RNF144B: variants seen among roughly 807,000 people sequenced by gnomAD.
RNF144B encodes E3 ubiquitin-protein ligase RNF144B.
Under a neutral mutation model 40.2 loss-of-function variants are expected in RNF144B, and 25 were observed. The ratio of observed to expected loss-of-function variants is 0.62; its 90% CI spans 0.45 to 0.87. RNF144B has a LOEUF of 0.87. Among genes scored for constraint, RNF144B ranks in the 40% least tolerant of loss-of-function variants. The pLI is 0.00. For synonymous variants in RNF144B, 145 were observed against 136.3 expected, an observed-to-expected ratio of 1.06 and a Z score of -0.44; for missense variants, 365 against 373.7, an observed-to-expected ratio of 0.98 and a Z score of 0.19.
rs138832854 is a variant in RNF144B, at chr6:18,395,566, T to C, written c.-36-3933T>C. Among the ~76,000 whole-genome samples the C allele has an allele frequency of 4.9e-3, 711 of 143,746 alleles. 5 individuals carry two copies. Among genetic ancestry groups the C allele is most frequent in the African/African-American group, 0.017 (679 of 39,250 alleles). The allele number at this position is 143,746 out of a possible 152,430, so 94.3% of individuals were successfully genotyped here. A position where few individuals can be genotyped will look rare whatever the true frequency, so the allele number is the denominator to read the frequency against. The stretch of plus-strand genomic sequence containing the variant: ...AATGAATCAATGGTGAAAGGATTTC[T>C]TGTTTGATATTCTTTTTTTTTTTTA... On this transcript the variant is annotated intron_variant, in intron 1 of 7. Transcript: ENST00000259939. The surrounding 1 kb of genome is among the most constrained non-coding windows in gnomAD (Gnocchi z 4.5).
At position 18,398,406 on chromosome 6, in the gene RNF144B, CT is replaced by C. The variant is rs1027368101; in HGVS notation, c.-36-1092del. ...TTTTTATTTTTTGAGACGTTTCATT[CT>C]GTCACCCAGGCTGGAGTGTGGTGAC... On this transcript the variant is annotated intron_variant, in intron 1 of 7. Transcript: ENST00000259939. The surrounding 1 kb of genome is among the most constrained non-coding windows in gnomAD (Gnocchi z 5.0). 1.3e-5 allele frequency among the ~76,000 whole-genome samples: 2 copies of C among 152,096 alleles called. No homozygotes were observed. Among genetic ancestry groups the C allele is most frequent in the African/African-American group, 4.8e-5 (2 of 41,398 alleles).
At chr6:18,431,863 T>G (rs1758702490) in intron 3 of RNF144B, among the ~76,000 whole-genome samples, 2 of 152,212 alleles carry the variant, frequency 1.3e-5, no homozygotes, top group African/African-American at 4.8e-5. Flanking sequence ...GCCTTCTTGA[T>G]TTTTCCAAAT....
At chr6:18,462,077 C>T (rs755899907) in intron 6 of RNF144B, among the ~76,000 whole-genome samples, 2 of 152,302 alleles carry the variant, frequency 1.3e-5, no homozygotes, top group Admixed American at 6.5e-5. Flanking sequence ...TCCATGCATT[C>T]GGCTGTGTCA....
rs1168499547 is a variant in RNF144B, at chr6:18,450,228, G to A, written c.332-6927G>A. ...TTACTTCCAATTCATTACTTTCATG[G>A]CCTGTGTTTAATGAGGTGTTGGTAA... On this transcript the variant is annotated intron_variant, in intron 4 of 7. Transcript: ENST00000259939. The surrounding 1 kb of genome is among the most constrained non-coding windows in gnomAD (Gnocchi z 4.7). Among the ~76,000 whole-genome samples, 1 of 151,796 alleles carries A rather than the reference G, an allele frequency of 6.6e-6. No individual in the cohort carries two copies. The highest frequency in any genetic ancestry group is 1.5e-5 in the Non-Finnish European group (1 of 67,994).
Position 18,441,476 on chromosome 6 carries a change from C to T in RNF144B, c.331+1732C>T, listed in dbSNP as rs2113517437. ...AGCACTTCTCCTCTCCCATGACTGCCTGTTACTTCCCTGGCTAACTTCACT... is the reference window on the plus strand; with the variant it reads ...AGCACTTCTCCTCTCCCATGACTGCTTGTTACTTCCCTGGCTAACTTCACT... On this transcript the variant is annotated intron_variant, in intron 4 of 7. Coordinates refer to ENST00000259939, the MANE Select transcript of RNF144B (RefSeq NM_182757.4). This position sits in a 1 kb window ranked among gnomAD's most constrained non-coding sequence, Gnocchi z 4.9. Among the ~76,000 whole-genome samples, 1 of 152,316 alleles carries T rather than the reference C, an allele frequency of 6.6e-6. No individual in the cohort carries two copies. Among genetic ancestry groups the T allele is most frequent in the African/African-American group, 2.4e-5 (1 of 41,578 alleles).
At position 18,439,675 on chromosome 6, in the gene RNF144B, T is replaced by C; in HGVS notation, c.271-9T>C. The C allele has an allele frequency of 6.2e-7, 1 of 1,608,162 alleles. No individual in the cohort carries two copies. Among genetic ancestry groups the C allele is most frequent in the Non-Finnish European group, 8.5e-7 (1 of 1,174,670 alleles). ...CTGAAGTCTCAACCTTTTATGTCTC[T>C]GGTTTCAGATTGCCTGTTTGGTACC... On this transcript the variant is annotated splice_polypyrimidine_tract_variant and intron_variant, in intron 3 of 7. Transcript: ENST00000259939.
intron 3 of RNF144B, among the ~76,000 whole-genome samples, chr6:18,435,763 A>G (rs1758803114): frequency 6.6e-6 from 1 of 152,004 alleles, no homozygotes; most frequent in South Asian, 2.1e-4. Context: ...TCAGCAAACT[A>G]TCGCAAGGAC....
rs1794946541 is a variant in RNF144B at position 18,407,963 on chromosome 6, T to C, written c.165+8264T>C. On this transcript the variant is annotated intron_variant, in intron 2 of 7. Transcript: ENST00000259939. ...AAATGGTGGCTTGGTTTGGAATTTTTCTTTTTCTTTCTTTCTTTTTCTTTT... is the reference window on the plus strand; with the variant it reads ...AAATGGTGGCTTGGTTTGGAATTTTCCTTTTTCTTTCTTTCTTTTTCTTTT... 3.8e-5 allele frequency among the ~76,000 whole-genome samples: 3 copies of C among 79,376 alleles called. No homozygotes were observed. The South Asian group carries it at 1.2e-3, about 31-fold the overall frequency. The allele number at this position is 79,376 out of a possible 152,430, so 52.1% of individuals were successfully genotyped here.
intron 3 of RNF144B, among the ~76,000 whole-genome samples, chr6:18,439,235 C>T (rs1267963798): frequency 1.3e-5 from 2 of 152,106 alleles, no homozygotes; most frequent in African/African-American, 4.8e-5. Flanking sequence ...TCCTAGGTGA[C>T]AAATGACATT....
intron 7 of RNF144B, among the ~76,000 whole-genome samples, chr6:18,463,902 G>A (rs529557703): frequency 1.3e-5 from 2 of 152,244 alleles, no homozygotes; most frequent in South Asian, 4.1e-4. Context: ...TTGTGCAGGG[G>A]AACTCCCATT....
At chr6:18,417,532 G>T (rs890619363) in intron 2 of RNF144B, among the ~76,000 whole-genome samples, 1 of 152,086 alleles carries the variant, frequency 6.6e-6, no homozygotes, top group African/African-American at 2.4e-5. Flanking sequence ...GTTTGCAAAA[G>T]AATTAAGATG....
At chr6:18,424,612 C>T (rs1758507101) in intron 2 of RNF144B, among the ~76,000 whole-genome samples, 1 of 151,948 alleles carries the variant, frequency 6.6e-6, no homozygotes, top group South Asian at 2.1e-4. Flanking sequence ...TACCTAGGAA[C>T]ATTACATTAT....
intron 2 of RNF144B, among the ~76,000 whole-genome samples, chr6:18,403,812 G>A (rs1044669666): frequency 6.6e-6 from 1 of 152,184 alleles, no homozygotes; most frequent in African/African-American, 2.4e-5. Context: ...TTCTGGTGAA[G>A]GTCTCATGCT....
intron 2 of RNF144B, among the ~76,000 whole-genome samples, chr6:18,404,757 G>A (rs955643695): frequency 6.6e-6 from 1 of 152,102 alleles, no homozygotes; most frequent in African/African-American, 2.4e-5. Context: ...GCACATTTAT[G>A]GTGGATATAA....
Position 18,460,524 on chromosome 6 carries a change from A to G in RNF144B, c.681+773A>G, listed in dbSNP as rs1267076907. On this transcript the variant is annotated intron_variant, in intron 6 of 7. Coordinates refer to ENST00000259939, the MANE Select transcript of RNF144B (RefSeq NM_182757.4). This position sits in a 1 kb window ranked among gnomAD's most constrained non-coding sequence, Gnocchi z 4.4. ...GGAGGTAGTTATTCTGCCTACCACTATTAGATTTTTTCTTCGTTTTGAATT... is the reference window on the plus strand; with the variant it reads ...GGAGGTAGTTATTCTGCCTACCACTGTTAGATTTTTTCTTCGTTTTGAATT... Among the ~76,000 whole-genome samples the G allele has an allele frequency of 2.0e-5, 3 of 152,118 alleles. No individual in the cohort carries two copies. The highest frequency in any genetic ancestry group is 4.8e-5 in the African/African-American group (2 of 41,420).
rs1759414393 is a variant in RNF144B at position 18,459,877 on chromosome 6, T to C, written c.681+126T>C. ...GTCCTGCAAAAGGAATTTATTTTTC[T>C]TAATGAGACTTACTAAGCCTGATAC... is the stretch of plus-strand genomic sequence containing the variant. On this transcript the variant is annotated intron_variant, in intron 6 of 7. Coordinates refer to ENST00000259939, the MANE Select transcript of RNF144B (RefSeq NM_182757.4). This position sits in a 1 kb window ranked among gnomAD's most constrained non-coding sequence, Gnocchi z 4.2. 2 of 843,952 alleles carry C rather than the reference T, an allele frequency of 2.4e-6. No homozygotes were observed. The highest frequency in any genetic ancestry group is 5.0e-5 in the East Asian group (2 of 39,776). The allele number at this position is 843,952 out of a possible 1,614,324, so 52.3% of individuals were successfully genotyped here.
intron 4 of RNF144B, among the ~76,000 whole-genome samples, chr6:18,454,616 G>C (rs1027467198): frequency 1.3e-5 from 2 of 152,188 alleles, no homozygotes; most frequent in African/African-American, 2.4e-5. Context: ...CGGAAGTTCA[G>C]TGTTTTCTCT....
Position 18,416,452 on chromosome 6 carries a change from A to G in RNF144B, c.166-11129A>G, listed in dbSNP as rs1795150562. Among the ~76,000 whole-genome samples the G allele has an allele frequency of 6.6e-6, 1 of 152,172 alleles. No individual in the cohort carries two copies. The highest frequency in any genetic ancestry group is 1.5e-5 in the Non-Finnish European group (1 of 68,028). On this transcript the variant is annotated intron_variant, in intron 2 of 7. Coordinates refer to ENST00000259939, the MANE Select transcript of RNF144B (RefSeq NM_182757.4). The surrounding 1 kb of genome is among the most constrained non-coding windows in gnomAD (Gnocchi z 5.5). ...GTTTCTCTTCAGAGCTATTTCTGTC[A>G]TAGAGTTTCTTAATTTAGATATTTC... is the stretch of plus-strand genomic sequence containing the variant.
intron 3 of RNF144B, among the ~76,000 whole-genome samples, chr6:18,435,409 GAATA>G (rs67529816): frequency 0.13 from 19,333 of 151,974 alleles, 1,357 homozygotes; most frequent in Admixed American, 0.19. Flanking sequence ...TTTAAAAAAT[GAATA>G]AATAGAGAAG....
Sources: allele counts gnomAD v4.1 joint callset (sites outside exome capture counted in the v4.1 genomes callset), GRCh38; gene constraint gnomAD v4.1.1; non-coding constraint Gnocchi (gnomAD v3.1); transcripts MANE v1.5; gene names NCBI Gene and HGNC (gene_info 2026-07-23, HGNC 2026-07-21).